CHODL: variants seen among roughly 807,000 people sequenced by gnomAD.
CHODL encodes the protein transmembrane protein MT75.
In CHODL, 29 loss-of-function variants were observed where a neutral mutation model predicts 34.5. The observed-to-expected ratio is 0.84, with a 90% confidence interval of 0.63 to 1.15. The LOEUF (loss-of-function observed/expected upper bound fraction) is 1.15. Ranked by LOEUF, CHODL falls within the 50% of genes most tolerant of loss-of-function variation. CHODL has a pLI of 0.00. For synonymous variants in CHODL, 125 were observed against 116.1 expected (o/e 1.08, Z -0.49); for missense variants, 332 against 332.5 (o/e 1.00, Z 0.01).
chr21:17,919,369 C>T (rs1206890394), intron 1 of CHODL, among the ~76,000 whole-genome samples: 2 of 152,214 alleles, frequency 1.3e-5, no homozygotes, highest in Non-Finnish European at 1.5e-5. Flanking sequence ...CAGAGGTTCT[C>T]AAACTTCAAT....
intron 2 of CHODL, among the ~76,000 whole-genome samples, chr21:18,039,329 C>G (rs1037977332): frequency 2.0e-5 from 3 of 151,604 alleles, no homozygotes; most frequent in Admixed American, 1.3e-4. Context: ...AAGTTTGTAG[C>G]TTTAGTAGTT....
intron 2 of CHODL, among the ~76,000 whole-genome samples, chr21:18,102,354 C>T (rs1434647546): frequency 1.3e-5 from 2 of 152,166 alleles, no homozygotes; most frequent in Non-Finnish European, 2.9e-5. Flanking sequence ...CAGTCCACTG[C>T]TGACTGAATG....
At chr21:18,116,602 AC>A (rs1196471402) in intron 2 of CHODL, among the ~76,000 whole-genome samples, 3 of 152,188 alleles carry the variant, frequency 2.0e-5, no homozygotes, top group African/African-American at 7.2e-5. Flanking sequence ...AGGATCCCTA[AC>A]CAAGGCCAGA....
chr21:18,256,447 T>C, intron 1 of CHODL, 62 bp from the exon 2 acceptor site: 1 of 1,425,570 alleles, frequency 7.0e-7, no homozygotes, highest in Non-Finnish European at 9.5e-7. Context: ...ATTTTGATTC[T>C]TAGTGTTGTT....
At chr21:17,981,353 G>A (rs557346323) in intron 1 of CHODL, among the ~76,000 whole-genome samples, 6 of 152,236 alleles carry the variant, frequency 3.9e-5, no homozygotes, top group African/African-American at 1.4e-4. Flanking sequence ...ACAAAGAACT[G>A]TTTCAAACAA....
intron 2 of CHODL, among the ~76,000 whole-genome samples, chr21:18,205,122 T>C (rs2073697825): frequency 1.3e-5 from 2 of 152,180 alleles, no homozygotes; most frequent in African/African-American, 4.8e-5. Flanking sequence ...TCCAGTACTA[T>C]GTTGAATAAT....
At chr21:17,999,595 C>T (rs1205748294) in intron 1 of CHODL, among the ~76,000 whole-genome samples, 4 of 152,174 alleles carry the variant, frequency 2.6e-5, no homozygotes, top group Non-Finnish European at 5.9e-5. Flanking sequence ...GCACTTCTTA[C>T]GTGATGGCAG....
intron 2 of CHODL, among the ~76,000 whole-genome samples, chr21:18,135,978 G>A (rs1454743214): frequency 4.6e-5 from 7 of 151,830 alleles, no homozygotes; most frequent in East Asian, 1.9e-4. Context: ...ATGGTGGCAC[G>A]TGCCTGTAGT....
chr21:18,249,502 G>GT (rs1006981566), intron 1 of CHODL, among the ~76,000 whole-genome samples: 10 of 152,064 alleles, frequency 6.6e-5, no homozygotes, highest in African/African-American at 2.4e-4. Context: ...ATCTAATTCT[G>GT]TTTAGAAACA....
At chr21:17,943,649 G>A (rs1469698326) in intron 1 of CHODL, among the ~76,000 whole-genome samples, 10 of 152,200 alleles carry the variant, frequency 6.6e-5, no homozygotes. Context: ...ACAAGTCTGA[G>A]ACACCAGCGT....
intron 2 of CHODL, among the ~76,000 whole-genome samples, chr21:18,210,675 T>C (rs1293547803): frequency 6.6e-6 from 1 of 152,196 alleles, no homozygotes; most frequent in Non-Finnish European, 1.5e-5. Flanking sequence ...TTATTCCTCC[T>C]TATCACTTCC....
intron 2 of CHODL, among the ~76,000 whole-genome samples, chr21:18,193,697 G>GAAAA (rs1015005875): frequency 3.1e-4 from 23 of 74,112 alleles, no homozygotes; most frequent in Non-Finnish European, 4.1e-4. Context: ...CTCTGTCTCA[G>GAAAA]AAAAAAAAAA....
chr21:18,139,204 T>C (rs2072772687), intron 2 of CHODL, among the ~76,000 whole-genome samples: 1 of 151,772 alleles, frequency 6.6e-6, no homozygotes, highest in African/African-American at 2.4e-5. Context: ...CGTTCAGCAG[T>C]GTAGGTAGAA....
At chr21:17,986,129 ATT>A (rs2063751582) in intron 1 of CHODL, among the ~76,000 whole-genome samples, 1 of 151,904 alleles carries the variant, frequency 6.6e-6, no homozygotes, top group Non-Finnish European at 1.5e-5. Context: ...GTAGTACTTA[ATT>A]TTTTTATTTT....
At chr21:18,033,936 G>GA (rs1449899893) in intron 2 of CHODL, among the ~76,000 whole-genome samples, 1 of 151,846 alleles carries the variant, frequency 6.6e-6, no homozygotes, top group Non-Finnish European at 1.5e-5. Context: ...ATAGAAAAAA[G>GA]AAAAAACCTT....
chr21:18,142,399 T>G (rs2072814457), intron 2 of CHODL, among the ~76,000 whole-genome samples: 1 of 152,202 alleles, frequency 6.6e-6, no homozygotes, highest in African/African-American at 2.4e-5. Flanking sequence ...CTATGAATAT[T>G]AAAGAAAGCA....
At chr21:18,225,215 G>A (rs1193270339) in intron 2 of CHODL, among the ~76,000 whole-genome samples, 1 of 152,078 alleles carries the variant, frequency 6.6e-6, no homozygotes, top group African/African-American at 2.4e-5. Flanking sequence ...GTAACCATAA[G>A]GATGCAATTG....
chr21:18,264,452 A>T (rs897803458), intron 5 of CHODL, among the ~76,000 whole-genome samples: 1 of 151,946 alleles, frequency 6.6e-6, no homozygotes, highest in Non-Finnish European at 1.5e-5. Flanking sequence ...AAATACAAAA[A>T]ATAGCCAGGC....
At chr21:18,259,382 G>GA (rs996334840) in intron 3 of CHODL, among the ~76,000 whole-genome samples, 2 of 151,750 alleles carry the variant, frequency 1.3e-5, no homozygotes, top group Admixed American at 6.6e-5. Context: ...TGTAGCAAGA[G>GA]AAAAAAAAGC....
Sources: gnomAD v4.1 joint callset for allele counts (sites outside exome capture counted in the v4.1 genomes callset) on GRCh38, gnomAD v4.1.1 for gene constraint, MANE v1.5 for transcripts, NCBI Gene and HGNC (gene_info 2026-07-23, HGNC 2026-07-21) for gene names.